The following SDR39U1 variants were observed in gnomAD, a reference collection of about 807,000 sequenced individuals.
SDR39U1 encodes epimerase family protein SDR39U1.
SDR39U1 carries 29 observed loss-of-function variants against 31.7 expected under a neutral mutation model. That is an observed-to-expected ratio of 0.92 (90% confidence interval 0.68 to 1.25). The LOEUF is 1.25. SDR39U1 is among the 50% of genes most tolerant of loss of function. The pLI, the probability that SDR39U1 is intolerant of heterozygous loss-of-function variation, is 0.00. For synonymous variants in SDR39U1, 147 were observed against 159.0 expected (o/e 0.92, Z 0.57); for missense variants, 403 against 378.4 (o/e 1.06, Z -0.54).
rs752847582 is a variant in SDR39U1, at chr14:24,440,334, C to A, written c.631G>T (p.Val211Leu). 105 of 1,614,010 alleles carry A rather than the reference C, an allele frequency of 6.5e-5. No individual in the cohort carries two copies. The Admixed American group carries it at 1.7e-3, about 26-fold the overall frequency. ...GCCACTCCATTCAGGACCCCGTGCA[C>A]GTGGTTTGCTTCAAGGGCATGGGTC... Reference protein sequence around the residue: ...ILTHALEANHVHGVLNGVAPS... With the variant: ...ILTHALEANHLHGVLNGVAPS... Residue 211 changes from valine (V) to leucine (L), a missense_variant, in exon 6 of 6, where the codon GTG becomes TTG. By Grantham distance (32) the Val-to-Leu change is conservative (BLOSUM62 1). Coordinates refer to ENST00000399395, the MANE Select transcript of SDR39U1 (RefSeq NM_020195.3).
rs757343590 is a variant in SDR39U1 at position 24,441,091 on chromosome 14, G to A, written c.329-165C>T. ...CTTGAACTTCTCCATGACCTGAAGC[G>A]TTCCTTCCCTGGAGGAACTCTGGTT... is the stretch of plus-strand genomic sequence containing the variant. On this transcript the variant is annotated intron_variant, in intron 4 of 5. Transcript: ENST00000399395. The A allele has an allele frequency of 2.3e-5, 17 of 749,224 alleles. 1 individual carries two copies. Among genetic ancestry groups the A allele is most frequent in the East Asian group, 1.4e-4 (5 of 35,388 alleles). The allele number at this position is 749,224 out of a possible 1,614,324, so 46.4% of individuals were successfully genotyped here. A position where few individuals can be genotyped will look rare whatever the true frequency, so the allele number is the denominator to read the frequency against.
In SDR39U1 at chr14:24,441,031, C is replaced by A. The variant is rs767962890; in HGVS notation, c.329-105G>T. The stretch of plus-strand genomic sequence containing the variant: ...CACCTTCTCTGGCCCTTAGGATCTC[C>A]CCATTTGGAGACAGAGCCATTTGGA... On this transcript the variant is annotated intron_variant, in intron 4 of 5. Coordinates refer to ENST00000399395, the MANE Select transcript of SDR39U1 (RefSeq NM_020195.3). The A allele has an allele frequency of 2.4e-6, 3 of 1,250,514 alleles. No individual in the cohort carries two copies. The East Asian group carries it at 7.3e-5, about 30-fold the overall frequency. 77.5% of individuals were successfully genotyped at this position (1,250,514 alleles called of 1,614,324 possible).
Position 24,440,075 on chromosome 14 carries a change from C to T in SDR39U1, c.*8G>A, listed in dbSNP as rs1043839. On this transcript the variant is annotated 3_prime_UTR_variant, in exon 6 of 6. Transcript: ENST00000399395. ...AGGAACAGGCCTCAGGCCCTTGCCA[C>T]GACCTACTTAGGCTACAATTTCCTT... 1,392,814 of 1,581,650 alleles carry T rather than the reference C, an allele frequency of 0.88. 619,121 individuals are homozygous for T. Among genetic ancestry groups the T allele is most frequent in the Non-Finnish European group, 0.9 (1,047,493 of 1,159,500 alleles).
intron 5 of SDR39U1, 71 bp downstream of exon 5, chr14:24,440,712 C>T (rs1241868570): frequency 6.4e-6 from 10 of 1,560,736 alleles, no homozygotes; most frequent in South Asian, 1.2e-5. Context: ...TCTCAGCTCT[C>T]CTAATCCCAT....
chr14:24,442,325 G>A, intron 2 of SDR39U1, 21 bp downstream of exon 2: 1 of 1,605,528 alleles, frequency 6.2e-7, no homozygotes, highest in Non-Finnish European at 8.5e-7. Flanking sequence ...CCTCCCACCC[G>A]CTTCCAGAGG....
In SDR39U1 at chr14:24,439,931, A is replaced by T. The variant is rs1413799729; in HGVS notation, c.*152T>A. 1 of 637,694 alleles carries T rather than the reference A, an allele frequency of 1.6e-6. No homozygotes were observed. The highest frequency in any genetic ancestry group is 1.8e-5 in the African/African-American group (1 of 54,866). 39.5% of individuals were successfully genotyped at this position (637,694 alleles called of 1,614,324 possible). ...CCTGATGAGATTACGGCCTTGAGAC[A>T]ATAAGGTGGAGCAACAGAACAATGG... On this transcript the variant is annotated 3_prime_UTR_variant, in exon 6 of 6. Coordinates refer to ENST00000399395, the MANE Select transcript of SDR39U1 (RefSeq NM_020195.3).
intron 4 of SDR39U1, 125 bp downstream of exon 4, chr14:24,441,549 A>C: frequency 1.3e-6 from 1 of 763,828 alleles, no homozygotes; most frequent in Non-Finnish European, 2.0e-6. Context: ...ACATGCATGG[A>C]TCAAGGGCCT....
At position 24,440,441 on chromosome 14, in the gene SDR39U1, A is replaced by C. The variant is rs1258470547; in HGVS notation, c.524T>G (p.Phe175Cys). 4 of 1,611,974 alleles carry C rather than the reference A, an allele frequency of 2.5e-6. No individual in the cohort carries two copies. In the South Asian group the frequency reaches 4.4e-5, roughly 18 times the overall value. Reference sequence around the variant, plus strand: ...GATGGGGCCCCCCAGGCCCAGGCGAAAGGGCAGCAGCATGTGGCCCATGGC... The same window carrying C: ...GATGGGGCCCCCCAGGCCCAGGCGACAGGGCAGCAGCATGTGGCCCATGGC... The part of the protein sequence containing the change: ...GGAMGHMLLP[F>C]RLGLGGPIGS... Residue 175 changes from phenylalanine (F) to cysteine (C), a missense_variant, in exon 6 of 6, where the codon TTT (phenylalanine) becomes TGT (cysteine). Physicochemically the swap from Phe to Cys is radical, Grantham distance 205. Coordinates refer to ENST00000399395, the MANE Select transcript of SDR39U1 (RefSeq NM_020195.3).
chr14:24,441,945 G>A, intron 3 of SDR39U1, 150 bp from the exon 4 acceptor site: 2 of 1,342,900 alleles, frequency 1.5e-6, no homozygotes, highest in Non-Finnish European at 2.1e-6. Context: ...TCCTGTAGAG[G>A]GAAAGGGCAT....
intron 3 of SDR39U1, 42 bp downstream of exon 3, chr14:24,442,136 C>T: frequency 6.3e-7 from 1 of 1,590,774 alleles, no homozygotes; most frequent in Non-Finnish European, 8.6e-7. Context: ...GCACTGTCCT[C>T]CCTGTGCTCT....
chr14:24,441,938 T>C, intron 3 of SDR39U1, 143 bp from the exon 4 acceptor site: 1 of 1,345,968 alleles, frequency 7.4e-7, no homozygotes, highest in African/African-American at 1.4e-5. Context: ...CAACGTCTCC[T>C]GTAGAGGGAA....
At chr14:24,440,755 C>T (rs1326768726) in intron 5 of SDR39U1, 28 bp downstream of exon 5, 1 of 1,611,176 alleles carries the variant, frequency 6.2e-7, no homozygotes, top group Non-Finnish European at 8.5e-7. Context: ...CATTCCAACC[C>T]TGTCTGATAC....
At chr14:24,442,819 T>C (rs746846973), upstream of SDR39U1, 2 of 1,606,698 alleles carry the variant, frequency 1.2e-6, no homozygotes, top group Admixed American at 1.7e-5. Flanking sequence ...TTACCTCACC[T>C]CAGACGCGAC....
At position 24,441,776 on chromosome 14, in the gene SDR39U1, T is replaced by C. The variant is rs758610186; in HGVS notation, c.226A>G (p.Lys76Glu). 2 of 1,605,620 alleles carry C rather than the reference T, an allele frequency of 1.2e-6. No individual in the cohort carries two copies. Among genetic ancestry groups the C allele is most frequent in the Non-Finnish European group, 8.5e-7 (1 of 1,177,230 alleles). Residue 76 changes from lysine to glutamate, a missense_variant, in exon 4 of 6, where the codon AAA becomes GAA. Transcript: ENST00000399395. ...TCTAGGCGGCTGCCGATTACCTCTT[T>C]TTGGAAGGTTTCATTCCATCTGCAG... ...PLRRWNETFQ[K>E]EVIGSRLETT... is the part of the protein sequence containing the mutation.
upstream of SDR39U1, chr14:24,442,793 G>C (rs749873016): frequency 5.6e-6 from 9 of 1,613,882 alleles, no homozygotes; most frequent in East Asian, 2.0e-4. Flanking sequence ...TAACGCGCCT[G>C]CGTAAAGTTT....
rs1250366643 is a variant in SDR39U1 at position 24,442,663 on chromosome 14, T to G, written c.16+91A>C. The G allele has an allele frequency of 6.6e-6, 10 of 1,510,906 alleles. No homozygotes were observed. The Admixed American group carries it at 1.5e-4, about 23-fold the overall frequency. The allele number at this position is 1,510,906 out of a possible 1,614,324, so 93.6% of individuals were successfully genotyped here. On this transcript the variant is annotated intron_variant, in intron 1 of 5. Transcript: ENST00000399395. ...TAGGAGGCCAAGGCCAGGTTGCCTG[T>G]GCACTAGACAGTGCCCTCCCGGAAG...
chr14:24,440,565 G>T, intron 5 of SDR39U1, 73 bp from the exon 6 acceptor site: 1 of 1,515,542 alleles, frequency 6.6e-7, no homozygotes. Context: ...CCTGGTTTCT[G>T]TTTCCCCTTC....
intron 1 of SDR39U1, 109 bp downstream of exon 1, chr14:24,442,645 C>T: frequency 1.4e-6 from 2 of 1,434,384 alleles, no homozygotes; most frequent in Non-Finnish European, 2.0e-6. Flanking sequence ...GGCTAGGAGG[C>T]CAAGGCCAGG....
Position 24,441,728 on chromosome 14 carries a change from C to A in SDR39U1, c.274G>T (p.Ala92Ser). 6.2e-7 allele frequency: 1 copy of A among 1,601,922 alleles called. No individual in the cohort carries two copies. Residue 92 changes from alanine to serine, a missense_variant, in exon 4 of 6, where the codon GCC becomes TCC. By Grantham distance (99) the Ala-to-Ser change is moderately conservative. Transcript: ENST00000399395. The stretch of plus-strand genomic sequence containing the variant: ...GGGGGTTGTGGGGCTTTGGTGATGG[C>A]TTTAGCCAGCAATTGGGTGGTCTCT... ...RLETTQLLAK[A>S]ITKAPQPPKA... is the part of the protein sequence containing the mutation.
Sources: gnomAD v4.1 joint callset for allele counts on GRCh38, gnomAD v4.1.1 for gene constraint, MANE v1.5 for transcripts, NCBI Gene and HGNC (gene_info 2026-07-23, HGNC 2026-07-21) for gene names.